Variants in WDR33 observed in about 807,000 individuals in gnomAD.
The protein encoded by WDR33 is WD repeat domain 33.
WDR33 carries 47 observed loss-of-function variants against 164.9 expected under a neutral mutation model. The ratio of observed to expected loss-of-function variants is 0.29; its 90% confidence interval spans 0.23 to 0.36. WDR33 has a LOEUF of 0.36. Among genes scored for constraint, WDR33 ranks in the 10% least tolerant of loss-of-function variants. The pLI, the probability that WDR33 is intolerant of heterozygous loss-of-function variation, is 1.00. For synonymous variants in WDR33, 505 were observed against 589.0 expected, an observed-to-expected ratio of 0.86 and a Z score of 2.06; for missense variants, 1,137 against 1,754.1, an observed-to-expected ratio of 0.65 and a Z score of 6.28.
At chr2:127,750,339 T>C (rs987415018) in intron 7 of WDR33, among the ~76,000 whole-genome samples, 1 of 151,868 alleles carries the variant, frequency 6.6e-6, no homozygotes, top group African/African-American at 2.4e-5. Context: ...AGAACAGACT[T>C]TTTTTGAGTC....
rs1686518405 is a variant in WDR33, at chr2:127,724,545, C to A, written c.1086-102G>T. On this transcript the variant is annotated intron_variant, in intron 10 of 21. Coordinates refer to ENST00000322313, the MANE Select transcript of WDR33 (RefSeq NM_018383.5). The surrounding 1 kb of genome is among the most constrained non-coding windows in gnomAD (Gnocchi z 4.8). Reference sequence around the variant, plus strand: ...TCTGTTACTCTTAAAATGAAGCTACCAAAGCCTGGACTTGGACTCTGGTGA... The same window carrying A: ...TCTGTTACTCTTAAAATGAAGCTACAAAAGCCTGGACTTGGACTCTGGTGA... The A allele has an allele frequency of 1.9e-6, 2 of 1,034,510 alleles. No individual in the cohort carries two copies. Among genetic ancestry groups the A allele is most frequent in the Admixed American group, 2.1e-5 (1 of 47,950 alleles). 64.1% of individuals were successfully genotyped at this position (1,034,510 alleles called of 1,614,324 possible).
intron 7 of WDR33, among the ~76,000 whole-genome samples, chr2:127,750,699 T>TGTGTATAC (rs1184751949): frequency 8.2e-4 from 47 of 57,530 alleles, no homozygotes; most frequent in African/African-American, 4.7e-3. Context: ...TATATATATA[T>TGTGTATAC]ATATATATAT....
chr2:127,753,218 C>T (rs1361812927), intron 7 of WDR33, among the ~76,000 whole-genome samples: 15 of 152,314 alleles, frequency 9.8e-5, no homozygotes, highest in South Asian at 4.1e-4. Flanking sequence ...TGAGCCACCA[C>T]GCATAGCCCT....
chr2:127,746,970 G>A (rs774422588), intron 7 of WDR33, among the ~76,000 whole-genome samples: 3 of 152,162 alleles, frequency 2.0e-5, no homozygotes, highest in Non-Finnish European at 4.4e-5. Flanking sequence ...TCTGGTAAAT[G>A]GATGTTATTT....
rs1441583070 is a variant in WDR33 at position 127,701,116 on chromosome 2, C to G, written c.*5207G>C. On this transcript the variant is annotated 3_prime_UTR_variant, in exon 22 of 22. Transcript: ENST00000322313. ...GATTCTGTGTACCCTTTACCCATTCCTCCATGTTGCAAAACTAGCACAATA... is the reference window on the plus strand; with the variant it reads ...GATTCTGTGTACCCTTTACCCATTCGTCCATGTTGCAAAACTAGCACAATA... 6.3e-6 allele frequency: 1 copy of G among 157,638 alleles called. No homozygotes were observed. Among genetic ancestry groups the G allele is most frequent in the African/African-American group, 2.4e-5 (1 of 41,694 alleles). 9.8% of individuals were successfully genotyped at this position (157,638 alleles called of 1,614,324 possible). A position where few individuals can be genotyped will look rare whatever the true frequency, so the allele number is the denominator to read the frequency against.
At chr2:127,767,274 A>G (rs997614741) in intron 4 of WDR33, among the ~76,000 whole-genome samples, 3 of 152,184 alleles carry the variant, frequency 2.0e-5, no homozygotes, top group African/African-American at 4.8e-5. Context: ...TATTTGCTCA[A>G]CTTAAGACTG....
At chr2:127,773,538 G>A (rs1404541207) in intron 1 of WDR33, among the ~76,000 whole-genome samples, 2 of 152,152 alleles carry the variant, frequency 1.3e-5, no homozygotes, top group Admixed American at 1.3e-4. Context: ...AATCCCAGAA[G>A]GTCCTTGGCA....
chr2:127,728,706 C>A (rs1291219995), intron 7 of WDR33, among the ~76,000 whole-genome samples: 2 of 152,082 alleles, frequency 1.3e-5, no homozygotes, highest in African/African-American at 4.8e-5. Flanking sequence ...ACTCTATGGG[C>A]CATTGTCACC....
In WDR33 at chr2:127,738,853, TTA is replaced by T. The variant is rs2105399576; in HGVS notation, c.725-12078_725-12077del. ...GTCACTCTGTAAATAATTTTCTTGA[TTA>T]AAATGAAGAGGAGGAGGAGAATGGA... On this transcript the variant is annotated intron_variant, in intron 7 of 21. Coordinates refer to ENST00000322313, the MANE Select transcript of WDR33 (RefSeq NM_018383.5). The surrounding 1 kb of genome is among the most constrained non-coding windows in gnomAD (Gnocchi z 4.4). 6.6e-6 allele frequency among the ~76,000 whole-genome samples: 1 copy of T among 152,250 alleles called. No homozygotes were observed. Among genetic ancestry groups the T allele is most frequent in the African/African-American group, 2.4e-5 (1 of 41,534 alleles).
At chr2:127,736,285 G>GGAAGAGGAGACTGGGGAA (rs1686839216) in intron 7 of WDR33, 1 of 985,370 alleles carries the variant, frequency 1.0e-6, no homozygotes, top group Non-Finnish European at 1.2e-6. Context: ...TTCCGGGGGA[G>GGAAGAGGAGACTGGGGAA]GAAGAGGAGA....
chr2:127,771,347 G>A (rs765824098), intron 1 of WDR33, among the ~76,000 whole-genome samples: 7 of 152,148 alleles, frequency 4.6e-5, no homozygotes, highest in South Asian at 2.1e-4. Context: ...GGTGGCAACC[G>A]TAACACAATA....
At position 127,726,570 on chromosome 2, in the gene WDR33, A is replaced by G. The variant is rs915395762; in HGVS notation, c.851+81T>C. 6.5e-7 allele frequency: 1 copy of G among 1,546,978 alleles called. No individual in the cohort carries two copies. The highest frequency in any genetic ancestry group is 2.0e-5 in the Admixed American group (1 of 49,252). ...AATGACTCTTCCAGAAATACATAAGAGAAAACAAAGCTAAAAGTTAAAGGA... is the reference window on the plus strand; with the variant it reads ...AATGACTCTTCCAGAAATACATAAGGGAAAACAAAGCTAAAAGTTAAAGGA... On this transcript the variant is annotated intron_variant, in intron 8 of 21. Coordinates refer to ENST00000322313, the MANE Select transcript of WDR33 (RefSeq NM_018383.5). This position sits in a 1 kb window ranked among gnomAD's most constrained non-coding sequence, Gnocchi z 4.8.
chr2:127,737,266 C>T (rs1039708227), intron 7 of WDR33: 8 of 985,318 alleles, frequency 8.1e-6, no homozygotes, highest in Non-Finnish European at 9.6e-6. Context: ...GAACATCAGC[C>T]ATTTGTCTGA....
In WDR33 at chr2:127,709,864, G is replaced by A; in HGVS notation, c.3309-8C>T. 1.2e-6 allele frequency: 2 copies of A among 1,613,296 alleles called. No homozygotes were observed. The highest frequency in any genetic ancestry group is 1.7e-6 in the Non-Finnish European group (2 of 1,179,778). Reference sequence around the variant, plus strand: ...GGGGCTCCTCTTCTGAAACTGTAAAGAGAAAACAGCAGAATGTCCATCTCA... The same window carrying A: ...GGGGCTCCTCTTCTGAAACTGTAAAAAGAAAACAGCAGAATGTCCATCTCA... On this transcript the variant is annotated splice_polypyrimidine_tract_variant and splice_region_variant and intron_variant, in intron 18 of 21. Transcript: ENST00000322313. The surrounding 1 kb of genome is among the most constrained non-coding windows in gnomAD (Gnocchi z 5.0).
At chr2:127,782,525 G>A (rs984639872) in intron 1 of WDR33, among the ~76,000 whole-genome samples, 1 of 152,096 alleles carries the variant, frequency 6.6e-6, no homozygotes, top group African/African-American at 2.4e-5. Flanking sequence ...ATAACTTGGG[G>A]GAAGCAGCTT....
At chr2:127,769,961 T>C (rs1311321580) in intron 2 of WDR33, among the ~76,000 whole-genome samples, 1 of 152,248 alleles carries the variant, frequency 6.6e-6, no homozygotes, top group African/African-American at 2.4e-5. Flanking sequence ...TAAGTTGCTT[T>C]TACCCTGTAG....
chr2:127,711,778 A>ATTTTTTTTT (rs1375261650), intron 18 of WDR33, among the ~76,000 whole-genome samples: 2 of 93,038 alleles, frequency 2.1e-5, no homozygotes, highest in African/African-American at 5.9e-5. Flanking sequence ...ATATATATAT[A>ATTTTTTTTT]TATTTTTTTT....
chr2:127,711,966 G>A (rs577231478), intron 18 of WDR33, among the ~76,000 whole-genome samples: 5 of 150,324 alleles, frequency 3.3e-5, no homozygotes, highest in Non-Finnish European at 4.4e-5. Context: ...TAGAGACAGG[G>A]TTTCACCATG....
chr2:127,800,762 T>A (rs1325086035), intron 1 of WDR33, among the ~76,000 whole-genome samples: 1 of 152,164 alleles, frequency 6.6e-6, no homozygotes, highest in Non-Finnish European at 1.5e-5. Flanking sequence ...TACTTGGCCC[T>A]GAGTTTTAAT....
Sources: allele counts gnomAD v4.1 joint callset (sites outside exome capture counted in the v4.1 genomes callset), GRCh38; gene constraint gnomAD v4.1.1; non-coding constraint Gnocchi (gnomAD v3.1); transcripts MANE v1.5; gene names NCBI Gene and HGNC (gene_info 2026-07-23, HGNC 2026-07-21).